KLRG1: variants seen among roughly 807,000 people sequenced by gnomAD.
KLRG1 encodes the protein killer cell lectin-like receptor subfamily G member 1.
In KLRG1, 16 loss-of-function variants were observed where a neutral mutation model predicts 21.8. The observed-to-expected ratio is 0.73, with a 90% CI of 0.50 to 1.11. The LOEUF is 1.11. Among genes scored for constraint, KLRG1 ranks in the 50% most tolerant of loss-of-function variants. The pLI is 0.00. For missense variants in KLRG1, 173 were observed against 218.3 expected (o/e 0.79, Z 1.31); for synonymous variants, 69 against 75.9 (o/e 0.91, Z 0.47).
the KLRG1 span, among the ~76,000 whole-genome samples, chr12:9,144,053 C>T: frequency 6.6e-6 from 1 of 152,240 alleles, no homozygotes; most frequent in South Asian, 2.1e-4. Flanking sequence ...TTCCCGGGTA[C>T]CATGAGAAAG....
At chr12:9,113,606 C>CT in the KLRG1 span, 33 of 1,462,080 alleles carry the variant, frequency 2.3e-5, no homozygotes, top group South Asian at 3.9e-4. Context: ...ATCAACAGCA[C>CT]TTTTTTCCAT....
At chr12:9,151,749 A>G in the KLRG1 span, 1 of 1,155,730 alleles carries the variant, frequency 8.7e-7, no homozygotes, top group African/African-American at 1.5e-5. Context: ...GCAGATTGTA[A>G]TAAGGGACAA....
the KLRG1 span, among the ~76,000 whole-genome samples, chr12:9,211,027 T>G: frequency 2.7e-4 from 41 of 152,188 alleles, no homozygotes; most frequent in Non-Finnish European, 4.6e-4. Flanking sequence ...GATTGTTGTA[T>G]GAGAGGCATG....
the KLRG1 span, chr12:9,204,012 A>T: frequency 2.1e-6 from 3 of 1,448,998 alleles, no homozygotes; most frequent in Non-Finnish European, 2.8e-6. Flanking sequence ...TTTCATCCAT[A>T]AATGTGTTTT....
In KLRG1 at chr12:8,999,110, CTG is replaced by C. The variant is rs747500600; in HGVS notation, c.357+3824_357+3825del. Among the ~76,000 whole-genome samples, 432 of 151,784 alleles carry C rather than the reference CTG, an allele frequency of 2.8e-3. 1 individual carries two copies. The highest frequency in any genetic ancestry group is 2.6e-3 in the Non-Finnish European group (175 of 67,930). On this transcript the variant is annotated intron_variant, in intron 3 of 4. Transcript: ENST00000356986. ...AAAATAAAATGGAAATTAAATTTCT[CTG>C]TTATTTTCTCATTTTTGTGTTAACA...
At chr12:9,012,188 G>A (rs773412887), downstream of KLRG1, among the ~76,000 whole-genome samples, 1 of 152,318 alleles carries the variant, frequency 6.6e-6, no homozygotes, top group East Asian at 1.9e-4. Flanking sequence ...CCCAGGCAGT[G>A]GAGCTTGCAG....
At chr12:9,128,757 T>C in the KLRG1 span, 1 of 151,808 alleles carries the variant, frequency 6.6e-6, no homozygotes, top group South Asian at 2.1e-4. Context: ...TAAAATTTTA[T>C]GGCCCAAGGG....
rs1480862824 is a variant in KLRG1, at chr12:9,008,598, G to GCT, written c.358-377_358-376insCT. ...CAACATCAAGGTTCTCTGGCTCCTG[G>GCT]TGAGGACCTACTTCTGGCTTGCACA... On this transcript the variant is annotated intron_variant, in intron 3 of 4. Coordinates refer to ENST00000356986, the MANE Select transcript of KLRG1 (RefSeq NM_005810.4). Among the ~76,000 whole-genome samples the GCT allele has an allele frequency of 4.3e-3, 660 of 152,278 alleles. 4 individuals carry two copies. Among genetic ancestry groups the GCT allele is most frequent in the African/African-American group, 0.015 (622 of 41,572 alleles).
the KLRG1 span, among the ~76,000 whole-genome samples, chr12:9,040,167 G>A: frequency 4.1e-3 from 621 of 152,272 alleles, 6 homozygotes; most frequent in African/African-American, 0.014. Flanking sequence ...ATTTTGAAAT[G>A]GTCCATAATC....
chr12:9,145,236 T>C, the KLRG1 span, among the ~76,000 whole-genome samples: 1 of 152,206 alleles, frequency 6.6e-6, no homozygotes, highest in Non-Finnish European at 1.5e-5. Flanking sequence ...GCCTTGTAAT[T>C]ATTTTGTCTG....
chr12:9,213,241 G>C, the KLRG1 span, among the ~76,000 whole-genome samples: 1 of 152,094 alleles, frequency 6.6e-6, no homozygotes, highest in Non-Finnish European at 1.5e-5. Flanking sequence ...AGACATTTGA[G>C]TTATTCTCAT....
chr12:9,015,480 T>G (rs1388522454), downstream of KLRG1, among the ~76,000 whole-genome samples: 2 of 152,122 alleles, frequency 1.3e-5, no homozygotes, highest in Non-Finnish European at 2.9e-5. Flanking sequence ...TAAATAAATA[T>G]GCACCTGACA....
chr12:9,090,117 T>A, the KLRG1 span: 7 of 1,518,986 alleles, frequency 4.6e-6, no homozygotes, highest in Middle Eastern at 1.8e-4. Context: ...TCTGTAAACT[T>A]TTGTTTTATT....
At chr12:9,202,378 A>C in the KLRG1 span, 13 of 1,614,034 alleles carry the variant, frequency 8.1e-6, no homozygotes, top group Admixed American at 1.2e-4. Flanking sequence ...CTTACTGGAA[A>C]AGTAGTTCTC....
At chr12:9,030,511 A>T in the KLRG1 span, among the ~76,000 whole-genome samples, 1 of 152,088 alleles carries the variant, frequency 6.6e-6, no homozygotes, top group African/African-American at 2.4e-5. Flanking sequence ...GATTCACATG[A>T]TTCTCCTGCC....
the KLRG1 span, among the ~76,000 whole-genome samples, chr12:9,178,117 C>T: frequency 6.6e-6 from 1 of 152,188 alleles, no homozygotes; most frequent in Non-Finnish European, 1.5e-5. Context: ...TTGATTATAG[C>T]AATCCCCCAA....
At chr12:9,192,813 G>GT in the KLRG1 span, 1 of 974,604 alleles carries the variant, frequency 1.0e-6, no homozygotes, top group Non-Finnish European at 1.6e-6. Context: ...AAAATGAATA[G>GT]TTACAACGGT....
At chr12:9,151,800 G>T in the KLRG1 span, 1 of 675,624 alleles carries the variant, frequency 1.5e-6, no homozygotes, top group Non-Finnish European at 2.5e-6. Flanking sequence ...TTGTTTTCAG[G>T]TCAGGAGTTC....
At chr12:9,201,449 A>G in the KLRG1 span, 1 of 878,430 alleles carries the variant, frequency 1.1e-6, no homozygotes, top group Non-Finnish European at 1.8e-6. Context: ...TATTATCTGT[A>G]GCTAAATTCA....
Sources: gnomAD v4.1 joint callset for allele counts (sites outside exome capture counted in the v4.1 genomes callset) on GRCh38, gnomAD v4.1.1 for gene constraint, MANE v1.5 for transcripts, NCBI Gene and HGNC (gene_info 2026-07-23, HGNC 2026-07-21) for gene names.